Variants in VPS13D observed in about 807,000 individuals in gnomAD.
The protein encoded by VPS13D is intermembrane lipid transfer protein VPS13D.
A neutral mutation model predicts 461.9 loss-of-function variants in VPS13D; 187 were observed. The observed-to-expected ratio is 0.40, with a 90% CI of 0.36 to 0.46. VPS13D has a LOEUF of 0.46. Ranked by LOEUF, VPS13D falls within the 20% of genes least tolerant of loss-of-function variation. The pLI, the probability that VPS13D is intolerant of heterozygous loss-of-function variation, is 0.60. For synonymous variants in VPS13D, 1,951 were observed against 1,986.3 expected, an observed-to-expected ratio of 0.98 and a Z score of 0.47; for missense variants, 4,711 against 5,364.9, an observed-to-expected ratio of 0.88 and a Z score of 3.81.
At chr1:12,353,058 A>G (rs1320624122) in intron 46 of VPS13D, among the ~76,000 whole-genome samples, 3 of 151,770 alleles carry the variant, frequency 2.0e-5, no homozygotes, top group African/African-American at 7.3e-5. Context: ...TGTCCAAAAA[A>G]TACTTGTACA....
chr1:12,478,170 A>G (rs1645659096), intron 67 of VPS13D, among the ~76,000 whole-genome samples: 2 of 152,180 alleles, frequency 1.3e-5, no homozygotes, highest in African/African-American at 2.4e-5. Flanking sequence ...AACTCTTTTC[A>G]CTTCAGTCAT....
intron 40 of VPS13D, among the ~76,000 whole-genome samples, chr1:12,341,015 G>A (rs1219761315): frequency 6.6e-6 from 1 of 152,158 alleles, no homozygotes; most frequent in Non-Finnish European, 1.5e-5. Flanking sequence ...GCCTGCTTTG[G>A]GTTTCTTACA....
chr1:12,441,998 T>C (rs1645137613), intron 65 of VPS13D, among the ~76,000 whole-genome samples: 1 of 152,232 alleles, frequency 6.6e-6, no homozygotes, highest in Non-Finnish European at 1.5e-5. Context: ...GTTCTACTTA[T>C]ATTATGCTTA....
intron 53 of VPS13D, 37 bp downstream of exon 53, chr1:12,368,628 A>G: frequency 1.9e-6 from 3 of 1,599,758 alleles, no homozygotes; most frequent in Non-Finnish European, 2.6e-6. Flanking sequence ...TGACTGTTTC[A>G]TGTGTGGGAG....
At chr1:12,352,394 A>G (rs1643815372) in intron 46 of VPS13D, among the ~76,000 whole-genome samples, 1 of 152,216 alleles carries the variant, frequency 6.6e-6, no homozygotes, top group East Asian at 1.9e-4. Context: ...ACAGATCAAC[A>G]ATAAAAAGAT....
Position 12,383,027 on chromosome 1 carries a change from C to A in VPS13D, c.11242C>A (p.Pro3748Thr). ...LFDGAEVVLG[P>T]DTSMELLGPV... ...TGATGGAGCTGAAGTTGTTCTTGGT[C>A]CTGACACTTCCATGGAGCTTTTGGG... The change falls in exon 58 of 70, where the codon CCT becomes ACT. Residue 3748 changes from proline to threonine, a missense_variant. Around this residue, in one of 3 missense-constraint regions of VPS13D, gnomAD observed 4,411 missense variants for 4,937.8 expected, o/e 0.89. Coordinates refer to ENST00000620676, the MANE Select transcript of VPS13D (RefSeq NM_015378.4). 3 of 1,614,132 alleles carry A rather than the reference C, an allele frequency of 1.9e-6. No homozygotes were observed. The highest frequency in any genetic ancestry group is 2.5e-6 in the Non-Finnish European group (3 of 1,180,010).
chr1:12,256,240 T>C (rs113987245), intron 7 of VPS13D, 93 bp from the exon 8 acceptor site: 1 of 1,424,952 alleles, frequency 7.0e-7, no homozygotes, highest in East Asian at 2.3e-5. Context: ...ATGGCTGAGC[T>C]CCACTGTTTG....
chr1:12,251,790 C>G (rs1036143024), intron 6 of VPS13D, among the ~76,000 whole-genome samples: 1 of 152,192 alleles, frequency 6.6e-6, no homozygotes, highest in Non-Finnish European at 1.5e-5. Flanking sequence ...GGCCTGAAGT[C>G]CAAACACCTT....
chr1:12,231,755 A>G (rs1639980018), intron 1 of VPS13D, among the ~76,000 whole-genome samples: 17 of 152,176 alleles, frequency 1.1e-4, no homozygotes, highest in Non-Finnish European at 2.1e-4. Context: ...TTGGGAGGCC[A>G]AAGTGGGCAG....
At chr1:12,401,409 A>G (rs995586125) in intron 61 of VPS13D, among the ~76,000 whole-genome samples, 199 bp from the exon 62 acceptor site, 5 of 152,242 alleles carry the variant, frequency 3.3e-5, no homozygotes, top group African/African-American at 4.8e-5. Context: ...TAGAATGGCA[A>G]ACCATCTATT....
At chr1:12,492,845 C>G (rs1309999366) in intron 67 of VPS13D, among the ~76,000 whole-genome samples, 1 of 152,186 alleles carries the variant, frequency 6.6e-6, no homozygotes, top group East Asian at 1.9e-4. Context: ...ATACCTGAAT[C>G]TTAGCAATGT....
intron 67 of VPS13D, among the ~76,000 whole-genome samples, chr1:12,482,424 T>A (rs1249929760): frequency 1.3e-5 from 2 of 152,244 alleles, no homozygotes; most frequent in Non-Finnish European, 2.9e-5. Flanking sequence ...TATTAGACAT[T>A]TTGGCATTTG....
chr1:12,456,736 T>C (rs983016921), intron 66 of VPS13D, among the ~76,000 whole-genome samples: 1 of 152,128 alleles, frequency 6.6e-6, no homozygotes, highest in Non-Finnish European at 1.5e-5. Flanking sequence ...TTATCCTCCT[T>C]GCAGTTGAAA....
chr1:12,393,405 C>G (rs1305029084), intron 60 of VPS13D, among the ~76,000 whole-genome samples: 2 of 152,184 alleles, frequency 1.3e-5, no homozygotes, highest in Non-Finnish European at 2.9e-5. Flanking sequence ...GCCTTGTGGA[C>G]AGGAATGGAG....
chr1:12,238,442 A>G (rs1018512783), intron 2 of VPS13D, among the ~76,000 whole-genome samples: 1 of 151,780 alleles, frequency 6.6e-6, no homozygotes, highest in African/African-American at 2.4e-5. Context: ...TATCTCTAAA[A>G]AATAGTAATA....
At chr1:12,313,546 G>A (rs1312408841) in intron 29 of VPS13D, among the ~76,000 whole-genome samples, 1 of 151,784 alleles carries the variant, frequency 6.6e-6, no homozygotes, top group Non-Finnish European at 1.5e-5. Context: ...TGTCATAATG[G>A]TACCGAGTAA....
rs1202107348 is a variant in VPS13D, at chr1:12,282,834, C to T, written c.4732C>T (p.Leu1578Phe). 2 of 1,614,164 alleles carry T rather than the reference C, an allele frequency of 1.2e-6. No individual in the cohort carries two copies. The highest frequency in any genetic ancestry group is 1.1e-5 in the South Asian group (1 of 91,088). Residue 1578 changes from leucine (L) to phenylalanine (F), a missense_variant, in exon 21 of 70, where the codon CTC becomes TTC. Leu to Phe is a conservative substitution (Grantham distance 22). This residue lies in a region of VPS13D where 4,411 missense variants were observed against 4,937.8 expected (regional missense o/e 0.89). Transcript: ENST00000620676. The stretch of plus-strand genomic sequence containing the variant: ...TTGCCCTGATTCTCCTCTGCCTCCC[C>T]TCAGTACCTGTGGAGAATCTTCTGT... ...SPCPDSPLPPLSTCGESSVER... is the reference protein window; with the variant it reads ...SPCPDSPLPPFSTCGESSVER...
rs148833871 is a variant in VPS13D at position 12,450,676 on chromosome 1, C to T, written c.12334-5322C>T. Reference sequence around the variant, plus strand: ...AGTGGGCCCTGCTGCCAGATGACTTCGCCCAGCTGTCAGCTAATGTAAGTG... The same window carrying T: ...AGTGGGCCCTGCTGCCAGATGACTTTGCCCAGCTGTCAGCTAATGTAAGTG... On this transcript the variant is annotated intron_variant, in intron 65 of 69. Coordinates refer to ENST00000620676, the MANE Select transcript of VPS13D (RefSeq NM_015378.4). Among the ~76,000 whole-genome samples the T allele has an allele frequency of 9.8e-5, 15 of 152,294 alleles. No individual in the cohort carries two copies. In the East Asian group the frequency reaches 1.3e-3, roughly 14 times the overall value.
At chr1:12,438,728 C>T (rs567414880) in intron 65 of VPS13D, among the ~76,000 whole-genome samples, 21 of 152,262 alleles carry the variant, frequency 1.4e-4, no homozygotes, top group African/African-American at 4.8e-4. Context: ...AGTGTTGGGA[C>T]GCTTGCACGT....
Sources: allele counts gnomAD v4.1 joint callset (sites outside exome capture counted in the v4.1 genomes callset), GRCh38; gene constraint gnomAD v4.1.1; regional missense constraint gnomAD v4.1.1; transcripts MANE v1.5; gene names NCBI Gene and HGNC (gene_info 2026-07-23, HGNC 2026-07-21).